Variants in SMOC1 observed in about 807,000 individuals in gnomAD.
The protein encoded by SMOC1 is SPARC-related modular calcium-binding protein 1.
SMOC1 carries 22 observed loss-of-function variants against 56.3 expected under a neutral mutation model. That is an observed-to-expected ratio of 0.39 (90% CI 0.28 to 0.56). The LOEUF is 0.56. Ranked by LOEUF, SMOC1 falls within the 20% of genes least tolerant of loss-of-function variation. SMOC1 has a pLI of 0.61. For missense variants in SMOC1, 509 were observed against 565.4 expected (o/e 0.90, Z 1.01); for synonymous variants, 193 against 215.0 (o/e 0.90, Z 0.89).
intron 1 of SMOC1, among the ~76,000 whole-genome samples, chr14:69,944,010 C>T (rs1882684299): frequency 6.6e-6 from 1 of 152,226 alleles, no homozygotes; most frequent in Non-Finnish European, 1.5e-5. Flanking sequence ...GAGTGCTCTA[C>T]CACTTACTGA....
At chr14:69,883,584 A>G (rs1883705431) in intron 1 of SMOC1, among the ~76,000 whole-genome samples, 1 of 152,206 alleles carries the variant, frequency 6.6e-6, no homozygotes, top group Admixed American at 6.5e-5. Flanking sequence ...TGCTGCAATA[A>G]ACATGGGAGA....
intron 1 of SMOC1, among the ~76,000 whole-genome samples, chr14:69,932,843 T>A (rs1166483068): frequency 6.6e-6 from 1 of 152,154 alleles, no homozygotes; most frequent in East Asian, 1.9e-4. Context: ...TTGGGGACGC[T>A]GGCAGCAGTT....
intron 1 of SMOC1, among the ~76,000 whole-genome samples, chr14:69,944,091 G>A (rs1020693966): frequency 6.6e-6 from 1 of 152,188 alleles, no homozygotes; most frequent in Admixed American, 6.5e-5. Flanking sequence ...TGCCTCATCT[G>A]GGCACTGGGG....
intron 7 of SMOC1, among the ~76,000 whole-genome samples, chr14:69,998,527 A>C (rs532248537): frequency 6.6e-6 from 1 of 152,328 alleles, no homozygotes; most frequent in Admixed American, 6.5e-5. Flanking sequence ...ACAGAAGATA[A>C]AGATATGAAA....
intron 5 of SMOC1, among the ~76,000 whole-genome samples, chr14:69,982,340 G>A (rs987033506): frequency 6.6e-6 from 1 of 152,240 alleles, no homozygotes; most frequent in Non-Finnish European, 1.5e-5. Context: ...CCCACTGGCT[G>A]TTCCATAGTA....
intron 1 of SMOC1, among the ~76,000 whole-genome samples, chr14:69,911,889 AT>A (rs2139348423): frequency 6.6e-6 from 1 of 152,320 alleles, no homozygotes; most frequent in Admixed American, 6.5e-5. Context: ...TTGCTGGGTC[AT>A]ATGGTAAATG....
chr14:69,979,902 G>T (rs998731891), intron 5 of SMOC1, among the ~76,000 whole-genome samples: 2 of 152,184 alleles, frequency 1.3e-5, no homozygotes, highest in African/African-American at 4.8e-5. Flanking sequence ...ATTGTATGAT[G>T]CTGAATAAAG....
At chr14:70,002,651 C>T (rs1175788313) in intron 7 of SMOC1, among the ~76,000 whole-genome samples, 1 of 152,168 alleles carries the variant, frequency 6.6e-6, no homozygotes, top group Non-Finnish European at 1.5e-5. Flanking sequence ...GATGGAAAGC[C>T]ATGGTAGCAG....
chr14:69,993,268 G>A (rs1038734860), intron 6 of SMOC1, among the ~76,000 whole-genome samples: 4 of 152,116 alleles, frequency 2.6e-5, no homozygotes, highest in Non-Finnish European at 5.9e-5. Flanking sequence ...AAGAGAGGCT[G>A]GAAGTCTCTG....
intron 1 of SMOC1, among the ~76,000 whole-genome samples, chr14:69,939,925 C>A (rs764784109): frequency 1.3e-5 from 2 of 152,152 alleles, no homozygotes; most frequent in Admixed American, 1.3e-4. Context: ...CCAAAGCTGT[C>A]GATTCAGGTG....
At chr14:69,928,576 C>T (rs1885077874) in intron 1 of SMOC1, among the ~76,000 whole-genome samples, 2 of 151,086 alleles carry the variant, frequency 1.3e-5, no homozygotes, top group African/African-American at 4.9e-5. Flanking sequence ...TGGCTGGGTG[C>T]CTTGGGGTTT....
At chr14:69,892,042 T>C (rs553865874) in intron 1 of SMOC1, among the ~76,000 whole-genome samples, 25 of 152,252 alleles carry the variant, frequency 1.6e-4, no homozygotes, top group Non-Finnish European at 2.6e-4. Context: ...TCTGTTTTTC[T>C]GTCAAGTCTG....
chr14:69,910,424 C>A (rs1884526699), intron 1 of SMOC1, among the ~76,000 whole-genome samples: 1 of 152,168 alleles, frequency 6.6e-6, no homozygotes, highest in African/African-American at 2.4e-5. Context: ...TGGGAAGAAA[C>A]CTTTCTGGAC....
At chr14:69,921,542 T>C (rs963488483) in intron 1 of SMOC1, among the ~76,000 whole-genome samples, 2 of 152,196 alleles carry the variant, frequency 1.3e-5, no homozygotes, top group African/African-American at 4.8e-5. Context: ...CCTGGGGCTC[T>C]GGGTCCTGGG....
intron 3 of SMOC1, among the ~76,000 whole-genome samples, chr14:69,957,153 G>A (rs762705981): frequency 6.6e-6 from 1 of 152,188 alleles, no homozygotes; most frequent in Non-Finnish European, 1.5e-5. Context: ...CTGCCAAGCA[G>A]TTGTCTGGTG....
intron 3 of SMOC1, among the ~76,000 whole-genome samples, chr14:69,964,758 T>C (rs958988083): frequency 1.3e-5 from 2 of 152,200 alleles, no homozygotes; most frequent in Non-Finnish European, 2.9e-5. Context: ...TGACACATGT[T>C]AAGTTATTCA....
At chr14:69,892,515 C>T (rs900629853) in intron 1 of SMOC1, among the ~76,000 whole-genome samples, 2 of 152,108 alleles carry the variant, frequency 1.3e-5, no homozygotes, top group Admixed American at 1.3e-4. Context: ...CCTATCTAGT[C>T]ATTAAATTTT....
intron 1 of SMOC1, among the ~76,000 whole-genome samples, chr14:69,947,724 C>T (rs1330371375): frequency 6.6e-6 from 1 of 152,098 alleles, no homozygotes; most frequent in Non-Finnish European, 1.5e-5. Flanking sequence ...CACATGTGGT[C>T]GTTTAAACTT....
chr14:69,900,699 C>T (rs2139324881), intron 1 of SMOC1, among the ~76,000 whole-genome samples: 1 of 152,314 alleles, frequency 6.6e-6, no homozygotes, highest in African/African-American at 2.4e-5. Flanking sequence ...AGAAAACAAA[C>T]ATGTTCTTGC....
Sources: allele counts gnomAD v4.1 joint callset (sites outside exome capture counted in the v4.1 genomes callset), GRCh38; gene constraint gnomAD v4.1.1; transcripts MANE v1.5; gene names NCBI Gene and HGNC (gene_info 2026-07-23, HGNC 2026-07-21).